AXDND1: variants seen among roughly 807,000 people sequenced by gnomAD.
AXDND1 encodes the protein axonemal dynein light chain domain-containing protein 1.
In AXDND1, 110 loss-of-function variants were observed where a neutral mutation model predicts 137.5. The observed-to-expected ratio is 0.80, with a 90% CI of 0.69 to 0.94. The LOEUF (loss-of-function observed/expected upper bound fraction) is 0.94. Ranked by LOEUF, AXDND1 falls within the 40% of genes least tolerant of loss-of-function variation. The probability of loss-of-function intolerance (pLI) is 0.00; values close to 1 mark genes in which losing one functional copy is unlikely to be tolerated. For synonymous variants in AXDND1, 414 were observed against 399.7 expected, an observed-to-expected ratio of 1.04 and a Z score of -0.43; for missense variants, 1,191 against 1,169.8, an observed-to-expected ratio of 1.02 and a Z score of -0.26.
chr1:179,440,329 T>G (rs771079282), intron 15 of AXDND1, among the ~76,000 whole-genome samples: 2 of 152,228 alleles, frequency 1.3e-5, no homozygotes, highest in African/African-American at 4.8e-5. Flanking sequence ...ACAGACAATG[T>G]CACTGTACAT....
At chr1:179,434,836 G>A (rs1318938061) in intron 15 of AXDND1, among the ~76,000 whole-genome samples, 1 of 152,030 alleles carries the variant, frequency 6.6e-6, no homozygotes, top group Non-Finnish European at 1.5e-5. Context: ...TGGAAGTTCT[G>A]GCCAGGACAA....
chr1:179,395,223 T>C, intron 11 of AXDND1, 21 bp downstream of exon 11: 1 of 1,591,076 alleles, frequency 6.3e-7, no homozygotes, highest in Non-Finnish European at 8.6e-7. Flanking sequence ...TAAAGTTTGT[T>C]TAGCTTACAT....
intron 9 of AXDND1, among the ~76,000 whole-genome samples, chr1:179,393,143 A>G (rs1327983067): frequency 2.0e-5 from 3 of 152,158 alleles, no homozygotes; most frequent in Admixed American, 6.5e-5. Context: ...TGACTTTTGT[A>G]TGAGGTGTGA....
Position 179,368,881 on chromosome 1 carries a change from C to T in AXDND1, c.179C>T (p.Pro60Leu), listed in dbSNP as rs769182298. The change falls in exon 3 of 26, where the codon CCC becomes CTC. Residue 60 changes from proline to leucine, a missense_variant. Transcript: ENST00000367618. ...ACTTCCCTTCAGAATGAGTTCATTCCCAAAGAAGTTCTTCTTTCTCTGACC... is the reference window on the plus strand; with the variant it reads ...ACTTCCCTTCAGAATGAGTTCATTCTCAAAGAAGTTCTTCTTTCTCTGACC... Reference protein sequence around the residue: ...LPTSLQNEFIPKEVLLSLTYA... With the variant: ...LPTSLQNEFILKEVLLSLTYA... 16 of 1,613,370 alleles carry T rather than the reference C, an allele frequency of 9.9e-6. No homozygotes were observed. The East Asian group carries it at 3.6e-4, about 36-fold the overall frequency.
intron 20 of AXDND1, among the ~76,000 whole-genome samples, chr1:179,503,919 T>C (rs1668279053): frequency 6.6e-6 from 1 of 152,218 alleles, no homozygotes; most frequent in Non-Finnish European, 1.5e-5. Context: ...ACTGAAAGTA[T>C]TCCCATTTTA....
intron 25 of AXDND1, among the ~76,000 whole-genome samples, chr1:179,542,278 G>C (rs1031858683): frequency 1.3e-5 from 2 of 152,070 alleles, no homozygotes; most frequent in African/African-American, 4.8e-5. Flanking sequence ...GACAGTTCCT[G>C]GTGCAAAGGA....
At chr1:179,504,757 G>A (rs1380754259) in intron 20 of AXDND1, among the ~76,000 whole-genome samples, 1 of 152,148 alleles carries the variant, frequency 6.6e-6, no homozygotes. Flanking sequence ...TTGGTCCTCT[G>A]TTAAGCTCTT....
chr1:179,424,627 G>T (rs1425598718), intron 12 of AXDND1, among the ~76,000 whole-genome samples: 1 of 151,570 alleles, frequency 6.6e-6, no homozygotes, highest in Non-Finnish European at 1.5e-5. Flanking sequence ...ATGGAGTTTT[G>T]CCATGTTAGC....
At chr1:179,540,740 T>C (rs964574347) in intron 25 of AXDND1, among the ~76,000 whole-genome samples, 2 of 152,196 alleles carry the variant, frequency 1.3e-5, no homozygotes, top group Non-Finnish European at 2.9e-5. Context: ...GAACCACTGC[T>C]CTCTTCAGAG....
At chr1:179,507,867 C>T (rs1668681361) in intron 20 of AXDND1, among the ~76,000 whole-genome samples, 1 of 152,142 alleles carries the variant, frequency 6.6e-6, no homozygotes, top group African/African-American at 2.4e-5. Context: ...ACACCTTCAT[C>T]TGCCTTGTCC....
Position 179,367,897 on chromosome 1 carries a change from T to TA in AXDND1, c.98-902dup, listed in dbSNP as rs1667622944. ...GATCTGTACTAGAGTCAGCTAGTGT[T>TA]ATCCTTACCCGGTTCTGTTAAAGCT... On this transcript the variant is annotated intron_variant, in intron 2 of 25. Coordinates refer to ENST00000367618, the MANE Select transcript of AXDND1 (RefSeq NM_144696.6). Among the ~76,000 whole-genome samples the TA allele has an allele frequency of 3.3e-5, 5 of 152,300 alleles. No homozygotes were observed. In the South Asian group the frequency reaches 1.0e-3, roughly 32 times the overall value.
At chr1:179,397,943 T>C (rs1651329925) in intron 11 of AXDND1, among the ~76,000 whole-genome samples, 1 of 152,254 alleles carries the variant, frequency 6.6e-6, no homozygotes, top group East Asian at 1.9e-4. Context: ...TACTCCTGCA[T>C]CTTAATGATC....
intron 17 of AXDND1, among the ~76,000 whole-genome samples, chr1:179,471,706 A>G (rs1663955624): frequency 1.3e-5 from 2 of 151,148 alleles, no homozygotes; most frequent in Admixed American, 1.3e-4. Context: ...TATTGTATTA[A>G]TTTCTGCTGT....
chr1:179,382,148 T>G (rs1648462154), intron 6 of AXDND1, among the ~76,000 whole-genome samples: 2 of 148,982 alleles, frequency 1.3e-5, no homozygotes, highest in South Asian at 4.3e-4. Context: ...GCACGATCTC[T>G]GCTCACTGCA....
chr1:179,398,482 G>A (rs1651413679), intron 11 of AXDND1, among the ~76,000 whole-genome samples: 1 of 152,246 alleles, frequency 6.6e-6, no homozygotes, highest in African/African-American at 2.4e-5. Context: ...GTCAGCAGCA[G>A]CAGTAGTGGC....
chr1:179,367,472 G>A (rs569500393), intron 2 of AXDND1, among the ~76,000 whole-genome samples: 1 of 152,248 alleles, frequency 6.6e-6, no homozygotes, highest in African/African-American at 2.4e-5. Context: ...CCGAGATTGC[G>A]CCACTGCACT....
chr1:179,488,639 C>CTTTCTTTCTTTCTTTCTT (rs1553292178), intron 18 of AXDND1, among the ~76,000 whole-genome samples: 2 of 50,366 alleles, frequency 4.0e-5, no homozygotes, highest in African/African-American at 1.5e-4. Context: ...TCTCTCCTTT[C>CTTTCTTTCTTTCTTTCTT]TTTCTTTCTT....
rs570596011 is a variant in AXDND1, at chr1:179,394,512, C to T, written c.1004+469C>T. ...GGTTGAGGCAGGAGAATCACTTGAA[C>T]CCGGGAGGTGGAGGTTGCAGTGAGC... On this transcript the variant is annotated intron_variant, in intron 10 of 25. Coordinates refer to ENST00000367618, the MANE Select transcript of AXDND1 (RefSeq NM_144696.6). 3.5e-3 allele frequency among the ~76,000 whole-genome samples: 531 copies of T among 151,806 alleles called. 3 individuals are homozygous for T. The highest frequency in any genetic ancestry group is 0.012 in the African/African-American group (502 of 41,372).
Position 179,491,595 on chromosome 1 carries a change from A to G in AXDND1, c.2149A>G (p.Ile717Val), listed in dbSNP as rs1666903494. The G allele has an allele frequency of 1.2e-6, 2 of 1,613,594 alleles. No individual in the cohort carries two copies. Among genetic ancestry groups the G allele is most frequent in the South Asian group, 1.1e-5 (1 of 91,062 alleles). Residue 717 changes from isoleucine to valine, a missense_variant, in exon 19 of 26, where the codon ATA becomes GTA. By Grantham distance (29) the Ile-to-Val change is conservative. Coordinates refer to ENST00000367618, the MANE Select transcript of AXDND1 (RefSeq NM_144696.6). Reference sequence around the variant, plus strand: ...GATGGTAAACTTGCTGATTTTAATGATACCCAACTTTACTGACCAAGACTG... The same window carrying G: ...GATGGTAAACTTGCTGATTTTAATGGTACCCAACTTTACTGACCAAGACTG... ...QWMVNLLILM[I>V]PNFTDQDCLL...
Sources: allele counts gnomAD v4.1 joint callset (sites outside exome capture counted in the v4.1 genomes callset), GRCh38; gene constraint gnomAD v4.1.1; transcripts MANE v1.5; gene names NCBI Gene and HGNC (gene_info 2026-07-23, HGNC 2026-07-21).